Variants in SEMA3A observed in about 807,000 individuals in gnomAD.
The protein encoded by SEMA3A is semaphorin 3A, also known as semaphorin-3A.
In SEMA3A, 29 loss-of-function variants were observed where a neutral mutation model predicts 97.9. The ratio of observed to expected loss-of-function variants is 0.30; its 90% CI spans 0.22 to 0.40. The LOEUF (loss-of-function observed/expected upper bound fraction) is 0.40. SEMA3A is among the 10% of genes least tolerant of loss of function. The probability of loss-of-function intolerance (pLI) is 1.00; values close to 1 mark genes in which losing one functional copy is unlikely to be tolerated. For synonymous variants in SEMA3A, 321 were observed against 323.7 expected (o/e 0.99, Z 0.09); for missense variants, 763 against 951.3 (o/e 0.80, Z 2.60).
At chr7:84,270,692 C>T (rs1800126006) in intron 3 of SEMA3A, among the ~76,000 whole-genome samples, 2 of 148,216 alleles carry the variant, frequency 1.3e-5, no homozygotes, top group Non-Finnish European at 3.0e-5. Context: ...GATATATATG[C>T]ATCTTTTATT....
chr7:84,005,191 A>C, intron 11 of SEMA3A, 148 bp downstream of exon 11: 2 of 618,646 alleles, frequency 3.2e-6, no homozygotes, highest in Non-Finnish European at 5.8e-6. Flanking sequence ...TTAGTAGTTA[A>C]GTTTTGGGGA....
At chr7:84,143,808 A>C (rs1796371443) in intron 1 of SEMA3A, among the ~76,000 whole-genome samples, 1 of 151,992 alleles carries the variant, frequency 6.6e-6, no homozygotes, top group African/African-American at 2.4e-5. Flanking sequence ...TCAAAAAAAA[A>C]AAGAAAAGAA....
At chr7:83,981,084 A>C (rs1470315327) in intron 14 of SEMA3A, among the ~76,000 whole-genome samples, 1 of 152,166 alleles carries the variant, frequency 6.6e-6, no homozygotes, top group Non-Finnish European at 1.5e-5. Flanking sequence ...TTTTGGTCTA[A>C]AGGGACAAGA....
chr7:84,342,737 G>A (rs1429755329), intron 2 of SEMA3A, among the ~76,000 whole-genome samples: 3 of 152,138 alleles, frequency 2.0e-5, no homozygotes, highest in Admixed American at 6.5e-5. Flanking sequence ...TGAGGAATAC[G>A]CATTGAGTTA....
upstream of SEMA3A, among the ~76,000 whole-genome samples, chr7:84,199,216 T>C (rs1584116897): frequency 6.6e-6 from 1 of 152,112 alleles, no homozygotes; most frequent in East Asian, 1.9e-4. Flanking sequence ...TAAGGAGAAA[T>C]TGTGTTTTAG....
At position 84,423,222 on chromosome 7, in the gene SEMA3A, A is replaced by G. The variant is rs139327077; in HGVS notation, c.-245-51322T>C. ...GTAGTTCTCATACCATTAGAATACT[A>G]TGAAAAGATTTGCAATATTAGACTC... On this transcript the variant is annotated intron_variant, in intron 1 of 3. Coordinates refer to the SEMA3A transcript ENST00000424555. Among the ~76,000 whole-genome samples the G allele has an allele frequency of 3.3e-3, 446 of 133,644 alleles. 1 individual carries two copies. The highest frequency in any genetic ancestry group is 0.014 in the African/African-American group (428 of 29,764). The allele number at this position is 133,644 out of a possible 152,430, so 87.7% of individuals were successfully genotyped here.
chr7:84,340,964 T>C (rs1025247370), intron 2 of SEMA3A, among the ~76,000 whole-genome samples: 1 of 152,082 alleles, frequency 6.6e-6, no homozygotes, highest in Non-Finnish European at 1.5e-5. Context: ...AAATAGTAAT[T>C]AGTAATAATC....
rs529691230 is a variant in SEMA3A at position 83,958,630 on chromosome 7, T to C, written c.*2741A>G. On this transcript the variant is annotated 3_prime_UTR_variant, in exon 17 of 17. Transcript: ENST00000265362. ...GAAATGGAGTACTTATAGAAAGTTTTATTTTACACTGTTCTTCCTCTTTTT... is the reference window on the plus strand; with the variant it reads ...GAAATGGAGTACTTATAGAAAGTTTCATTTTACACTGTTCTTCCTCTTTTT... The C allele has an allele frequency of 7.2e-5, 11 of 152,654 alleles. No individual in the cohort carries two copies. The highest frequency in any genetic ancestry group is 2.4e-4 in the African/African-American group (10 of 41,568). 9.5% of individuals were successfully genotyped at this position (152,654 alleles called of 1,614,324 possible).
chr7:84,180,617 G>A (rs1797711666), intron 1 of SEMA3A, among the ~76,000 whole-genome samples: 1 of 152,132 alleles, frequency 6.6e-6, no homozygotes, highest in East Asian at 1.9e-4. Flanking sequence ...GAACCCGGGA[G>A]GCTGAAGTTG....
chr7:84,091,963 A>G (rs1177305987), intron 4 of SEMA3A, among the ~76,000 whole-genome samples: 1 of 152,160 alleles, frequency 6.6e-6, no homozygotes, highest in Non-Finnish European at 1.5e-5. Context: ...ATTTTTATAT[A>G]AGTCTACACA....
intron 1 of SEMA3A, among the ~76,000 whole-genome samples, chr7:84,192,260 G>T (rs181576183): frequency 2.0e-5 from 3 of 151,884 alleles, no homozygotes; most frequent in Non-Finnish European, 4.4e-5. Context: ...CAAAGTACTG[G>T]CAATTGGCTA....
At chr7:84,353,552 T>C (rs758541164) in intron 2 of SEMA3A, among the ~76,000 whole-genome samples, 2 of 151,752 alleles carry the variant, frequency 1.3e-5, no homozygotes, top group Non-Finnish European at 3.0e-5. Context: ...ATTTTTGTGA[T>C]CATAAATACC....
At chr7:84,461,731 A>G (rs1805845062) in intron 1 of SEMA3A, among the ~76,000 whole-genome samples, 1 of 152,182 alleles carries the variant, frequency 6.6e-6, no homozygotes, top group African/African-American at 2.4e-5. Context: ...TACTATTAGC[A>G]TATATTTGAT....
chr7:84,444,710 C>T (rs1009242938), intron 1 of SEMA3A, among the ~76,000 whole-genome samples: 12 of 151,826 alleles, frequency 7.9e-5, no homozygotes, highest in Admixed American at 7.2e-4. Flanking sequence ...TACAGGTGCC[C>T]GCTACCACAC....
At chr7:84,425,344 TATAA>T (rs1246381594) in intron 1 of SEMA3A, among the ~76,000 whole-genome samples, 1 of 128,988 alleles carries the variant, frequency 7.8e-6, no homozygotes, top group African/African-American at 2.9e-5. Flanking sequence ...AATATATTGA[TATAA>T]ATATATACAT....
intron 1 of SEMA3A, among the ~76,000 whole-genome samples, chr7:84,433,638 T>C (rs1805046326): frequency 6.6e-6 from 1 of 152,140 alleles, no homozygotes; most frequent in African/African-American, 2.4e-5. Flanking sequence ...TTCTAGATCC[T>C]TGAGGAATTG....
At chr7:84,125,169 G>A (rs1479480029) in intron 3 of SEMA3A, among the ~76,000 whole-genome samples, 1 of 152,042 alleles carries the variant, frequency 6.6e-6, no homozygotes, top group Non-Finnish European at 1.5e-5. Flanking sequence ...ATTTTATAAT[G>A]TTACAATTAA....
intron 12 of SEMA3A, among the ~76,000 whole-genome samples, chr7:83,991,323 C>A (rs929638521): frequency 1.6e-4 from 24 of 151,908 alleles, no homozygotes; most frequent in Admixed American, 3.9e-4. Context: ...CCTTCTCCTG[C>A]CTAATTGCCC....
chr7:84,421,379 T>A (rs1184890474), intron 1 of SEMA3A, among the ~76,000 whole-genome samples: 1 of 152,014 alleles, frequency 6.6e-6, no homozygotes, highest in African/African-American at 2.4e-5. Flanking sequence ...TAATGGGAGT[T>A]CTTCAAGTTT....
Sources: allele counts gnomAD v4.1 joint callset (sites outside exome capture counted in the v4.1 genomes callset), GRCh38; gene constraint gnomAD v4.1.1; transcripts MANE v1.5; gene names NCBI Gene and HGNC (gene_info 2026-07-23, HGNC 2026-07-21).